FILIP1L: variants seen among roughly 807,000 people sequenced by gnomAD.
FILIP1L encodes filamin A-interacting protein 1-like.
Under a neutral mutation model 96.6 loss-of-function variants are expected in FILIP1L, and 55 were observed. That is an observed-to-expected ratio of 0.57 (90% confidence interval 0.46 to 0.71). The LOEUF is 0.71. FILIP1L is among the 30% of genes least tolerant of loss of function. The pLI, the probability that FILIP1L is intolerant of heterozygous loss-of-function variation, is 0.00. For missense variants in FILIP1L, 1,304 were observed against 1,321.2 expected, an observed-to-expected ratio of 0.99 and a Z score of 0.20; for synonymous variants, 467 against 473.9, an observed-to-expected ratio of 0.99 and a Z score of 0.19.
intron 1 of FILIP1L, among the ~76,000 whole-genome samples, chr3:100,096,878 C>G (rs191728608): frequency 2.6e-4 from 40 of 152,066 alleles, no homozygotes; most frequent in Admixed American, 2.4e-3. Context: ...TCATATACCC[C>G]ATAAATATAT....
chr3:99,873,891 C>T (rs1705369964), intron 4 of FILIP1L, among the ~76,000 whole-genome samples: 2 of 152,128 alleles, frequency 1.3e-5, no homozygotes, highest in Admixed American at 1.3e-4. Context: ...AATGAACTTA[C>T]TAAGCATAAA....
At chr3:99,898,873 A>G (rs1706347455) in intron 4 of FILIP1L, 1 of 152,142 alleles carries the variant, frequency 6.6e-6, no homozygotes, top group South Asian at 2.1e-4. Context: ...AGAAGAAGGT[A>G]CAATTGAATG....
intron 1 of FILIP1L, among the ~76,000 whole-genome samples, chr3:100,045,821 G>A (rs2065270397): frequency 6.6e-6 from 1 of 152,108 alleles, no homozygotes. Context: ...AGGCCTTCTG[G>A]GCTTCTTGGC....
chr3:100,095,274 C>T (rs1452253364), intron 1 of FILIP1L, among the ~76,000 whole-genome samples: 8 of 152,010 alleles, frequency 5.3e-5, no homozygotes, highest in South Asian at 2.1e-4. Context: ...AAAAATCTTG[C>T]GGAGATTTTA....
chr3:99,880,643 GGTTTTAAAATTAATTTAAAATTTTTTT>G (rs1305186504), intron 4 of FILIP1L, among the ~76,000 whole-genome samples: 4 of 151,390 alleles, frequency 2.6e-5, no homozygotes, highest in Admixed American at 6.6e-5. Flanking sequence ...GATATTTTGT[GGTTTTAAAATTAATTTAAAATTTTTTT>G]GTTTTAAAAT....
intron 1 of FILIP1L, among the ~76,000 whole-genome samples, chr3:100,044,284 T>C (rs1413241738): frequency 1.3e-5 from 2 of 152,228 alleles, no homozygotes; most frequent in Non-Finnish European, 2.9e-5. Flanking sequence ...GTCTTTGCCC[T>C]AATGAAGTTT....
chr3:99,894,323 A>G lies in FILIP1L; in HGVS notation c.605+29907T>C, dbSNP rs145795759. On this transcript the variant is annotated intron_variant, in intron 4 of 5. Transcript: ENST00000477258. ...AGGAGTTCAGGTGAAGATCTGCCCC[A>G]TTTGTTCATCTGTTGTGGGTGCCTA... 4.6e-3 allele frequency among the ~76,000 whole-genome samples: 696 copies of G among 152,276 alleles called. 2 individuals carry two copies. Among genetic ancestry groups the G allele is most frequent in the South Asian group, 7.1e-3 (34 of 4,820 alleles).
intron 1 of FILIP1L, among the ~76,000 whole-genome samples, chr3:99,960,940 A>G (rs756055033): frequency 2.6e-5 from 4 of 152,164 alleles, no homozygotes; most frequent in Non-Finnish European, 5.9e-5. Flanking sequence ...TCTATTTTTA[A>G]AAGTAACCAT....
At chr3:99,864,819 T>C (rs1944432461) in intron 4 of FILIP1L, among the ~76,000 whole-genome samples, 1 of 152,152 alleles carries the variant, frequency 6.6e-6, no homozygotes, top group Non-Finnish European at 1.5e-5. Context: ...ACCTCATTAG[T>C]ACCATCTGGC....
intron 1 of FILIP1L, among the ~76,000 whole-genome samples, chr3:99,958,242 T>TATC (rs1474196151): frequency 7.0e-6 from 1 of 143,764 alleles, no homozygotes; most frequent in Non-Finnish European, 1.5e-5. Context: ...TTATTATTAT[T>TATC]ATTATTATTT....
chr3:100,052,437 T>C (rs1193266101), intron 1 of FILIP1L, among the ~76,000 whole-genome samples: 4 of 152,194 alleles, frequency 2.6e-5, no homozygotes, highest in African/African-American at 9.6e-5. Flanking sequence ...TCCGTGTGCA[T>C]GTCCTATTAG....
chr3:100,031,470 A>G (rs1422638808), intron 1 of FILIP1L, among the ~76,000 whole-genome samples: 1 of 152,082 alleles, frequency 6.6e-6, no homozygotes, highest in Non-Finnish European at 1.5e-5. Flanking sequence ...AAGTGAGTGA[A>G]GGATTCCTTT....
chr3:100,061,519 G>A (rs1288732039), intron 1 of FILIP1L, among the ~76,000 whole-genome samples: 1 of 152,122 alleles, frequency 6.6e-6, no homozygotes, highest in African/African-American at 2.4e-5. Context: ...AATACCTCCT[G>A]CAGAGAATGA....
intron 1 of FILIP1L, among the ~76,000 whole-genome samples, chr3:99,983,484 A>G (rs377148615): frequency 0.038 from 963 of 25,076 alleles, 60 homozygotes; most frequent in African/African-American, 0.11. Flanking sequence ...ATATATATAT[A>G]TATATATATA....
At chr3:99,895,150 C>T (rs1366989673) in intron 4 of FILIP1L, among the ~76,000 whole-genome samples, 1 of 152,028 alleles carries the variant, frequency 6.6e-6, no homozygotes, top group Admixed American at 6.5e-5. Flanking sequence ...GTGTTCATAA[C>T]CCAGAGAATG....
chr3:99,957,760 CA>C (rs1424397163), intron 1 of FILIP1L, among the ~76,000 whole-genome samples: 1 of 96,046 alleles, frequency 1.0e-5, no homozygotes, highest in African/African-American at 4.1e-5. Flanking sequence ...AATGAAAACA[CA>C]GGTTCCATTC....
At chr3:99,839,670 G>T (rs146077229) in intron 5 of FILIP1L, among the ~76,000 whole-genome samples, 2 of 152,128 alleles carry the variant, frequency 1.3e-5, no homozygotes, top group Non-Finnish European at 2.9e-5. Flanking sequence ...TAGAATTCAG[G>T]TATCTTTGAA....
chr3:99,887,819 C>T (rs891253868), intron 4 of FILIP1L, among the ~76,000 whole-genome samples: 10 of 152,116 alleles, frequency 6.6e-5, no homozygotes, highest in East Asian at 1.9e-4. Context: ...ACTGCAGCCT[C>T]GACCTCTTGG....
At chr3:99,857,897 A>G (rs1298541058) in intron 4 of FILIP1L, among the ~76,000 whole-genome samples, 1 of 152,242 alleles carries the variant, frequency 6.6e-6, no homozygotes, top group African/African-American at 2.4e-5. Context: ...TTCATTTAAT[A>G]TACAAACAAC....
Sources: allele counts gnomAD v4.1 joint callset (sites outside exome capture counted in the v4.1 genomes callset), GRCh38; gene constraint gnomAD v4.1.1; transcripts MANE v1.5; gene names NCBI Gene and HGNC (gene_info 2026-07-23, HGNC 2026-07-21).